Variants in EVI5 observed in about 807,000 individuals in gnomAD.
EVI5 encodes the protein ecotropic viral integration site 5 protein homolog.
A neutral mutation model predicts 112.0 loss-of-function variants in EVI5; 73 were observed. The observed-to-expected ratio is 0.65, with a 90% CI of 0.54 to 0.79. The LOEUF (loss-of-function observed/expected upper bound fraction) is 0.79, where lower values mean the gene tolerates loss of function less well. Among genes scored for constraint, EVI5 ranks in the 30% least tolerant of loss-of-function variants. EVI5 has a pLI of 0.00. For synonymous variants in EVI5, 305 were observed against 319.9 expected, an observed-to-expected ratio of 0.95 and a Z score of 0.50; for missense variants, 900 against 968.8, an observed-to-expected ratio of 0.93 and a Z score of 0.94.
rs1470060556 is a variant in EVI5 at position 92,509,142 on chromosome 1, A to G, written c.*4514T>C. ...AAACAGTTTTACCAAAATATAATTC[A>G]TATACTTATTTTACTTTAAACCTGA... is the stretch of plus-strand genomic sequence containing the variant. On this transcript the variant is annotated 3_prime_UTR_variant, in exon 20 of 20. Transcript: ENST00000684568. 1 of 152,578 alleles carries G rather than the reference A, an allele frequency of 6.6e-6. No individual in the cohort carries two copies. The highest frequency in any genetic ancestry group is 1.5e-5 in the Non-Finnish European group (1 of 68,038). The allele number at this position is 152,578 out of a possible 1,614,324, so 9.5% of individuals were successfully genotyped here.
chr1:92,760,723 A>G lies in EVI5; in HGVS notation c.-81-24096T>C, dbSNP rs149711603. ...CACTCCAGCCTGGGCGAAGACTGAGACTCTGTCTCAAAAAAAAAAAAAAAA... is the reference window on the plus strand; with the variant it reads ...CACTCCAGCCTGGGCGAAGACTGAGGCTCTGTCTCAAAAAAAAAAAAAAAA... On this transcript the variant is annotated intron_variant, in intron 1 of 19. Coordinates refer to ENST00000684568, the MANE Select transcript of EVI5 (RefSeq NM_001350197.2). Among the ~76,000 whole-genome samples the G allele has an allele frequency of 5.0e-3, 625 of 124,316 alleles. 3 individuals are homozygous for G. Among genetic ancestry groups the G allele is most frequent in the African/African-American group, 0.019 (601 of 31,884 alleles). The allele number at this position is 124,316 out of a possible 152,430, so 81.6% of individuals were successfully genotyped here.
chr1:92,563,194 G>T (rs1328403306), intron 19 of EVI5, among the ~76,000 whole-genome samples: 1 of 152,074 alleles, frequency 6.6e-6, no homozygotes, highest in Non-Finnish European at 1.5e-5. Context: ...CTGATATTAG[G>T]CAAGTATCCT....
At chr1:92,665,251 A>G (rs1447974025) in intron 11 of EVI5, among the ~76,000 whole-genome samples, 1 of 152,146 alleles carries the variant, frequency 6.6e-6, no homozygotes, top group Non-Finnish European at 1.5e-5. Context: ...GAGTTTGTGA[A>G]TTCAGATGTC....
chr1:92,719,858 C>T (rs528436431), intron 2 of EVI5, among the ~76,000 whole-genome samples: 1 of 151,910 alleles, frequency 6.6e-6, no homozygotes, highest in East Asian at 1.9e-4. Flanking sequence ...AATCAATGTG[C>T]AAAAATCACA....
At chr1:92,705,697 T>C (rs1671853463) in intron 2 of EVI5, among the ~76,000 whole-genome samples, 1 of 152,214 alleles carries the variant, frequency 6.6e-6, no homozygotes, top group South Asian at 2.1e-4. Flanking sequence ...AAGTCTTTTA[T>C]TTATAAAAGG....
At chr1:92,557,117 A>G (rs1667787112) in intron 19 of EVI5, among the ~76,000 whole-genome samples, 1 of 152,192 alleles carries the variant, frequency 6.6e-6, no homozygotes, top group African/African-American at 2.4e-5. Context: ...CCCAACAAAA[A>G]AGACAGGATG....
intron 18 of EVI5, among the ~76,000 whole-genome samples, chr1:92,564,272 GA>G (rs1405458805): frequency 1.3e-5 from 2 of 152,062 alleles, no homozygotes; most frequent in Admixed American, 1.3e-4. Flanking sequence ...ATCTACTGAT[GA>G]AAAAATTACC....
At chr1:92,780,721 A>G (rs995475039) in intron 1 of EVI5, among the ~76,000 whole-genome samples, 7 of 152,076 alleles carry the variant, frequency 4.6e-5, no homozygotes, top group Non-Finnish European at 2.9e-5. Flanking sequence ...AAAAAAGTGA[A>G]TCTTGGCCCG....
intron 13 of EVI5, among the ~76,000 whole-genome samples, chr1:92,649,161 T>C (rs941618218): frequency 6.6e-6 from 1 of 152,198 alleles, no homozygotes; most frequent in Non-Finnish European, 1.5e-5. Context: ...TTTTTGGCCA[T>C]CTGCATATCT....
intron 1 of EVI5, among the ~76,000 whole-genome samples, chr1:92,772,659 T>C (rs1558238445): frequency 6.6e-6 from 1 of 151,308 alleles, no homozygotes. Flanking sequence ...TCCCAGCACT[T>C]TGGGAGGGCG....
chr1:92,660,356 T>C (rs997991074), intron 13 of EVI5, among the ~76,000 whole-genome samples: 2 of 151,984 alleles, frequency 1.3e-5, no homozygotes, highest in African/African-American at 4.8e-5. Context: ...CTCACTCATA[T>C]GTGGAATCTA....
At chr1:92,699,219 T>A (rs1247529458) in intron 5 of EVI5, among the ~76,000 whole-genome samples, 1 of 152,184 alleles carries the variant, frequency 6.6e-6, no homozygotes, top group East Asian at 1.9e-4. Flanking sequence ...CTATTAATTC[T>A]ATCAAGCCCC....
intron 9 of EVI5, among the ~76,000 whole-genome samples, chr1:92,678,341 G>T (rs529038259): frequency 6.6e-6 from 1 of 152,132 alleles, no homozygotes; most frequent in East Asian, 1.9e-4. Flanking sequence ...GACCAGCCTG[G>T]GCAACATGGT....
At chr1:92,703,308 G>A in intron 4 of EVI5, 87 bp downstream of exon 4, 2 of 772,268 alleles carry the variant, frequency 2.6e-6, no homozygotes, top group Admixed American at 2.9e-5. Flanking sequence ...TTATTGTGGT[G>A]GGAGGTCATG....
At chr1:92,777,489 A>G (rs960077739) in intron 1 of EVI5, among the ~76,000 whole-genome samples, 4 of 152,218 alleles carry the variant, frequency 2.6e-5, no homozygotes, top group African/African-American at 2.4e-5. Context: ...TCTTGAGATT[A>G]TAAGATCCTG....
intron 18 of EVI5, among the ~76,000 whole-genome samples, chr1:92,597,985 G>A (rs948147630): frequency 4.6e-5 from 7 of 152,192 alleles, no homozygotes; most frequent in African/African-American, 1.7e-4. Flanking sequence ...CTTGAGCCCA[G>A]TAGGTCAAGG....
intron 18 of EVI5, among the ~76,000 whole-genome samples, chr1:92,564,591 TG>T: frequency 1.3e-5 from 2 of 152,312 alleles, no homozygotes; most frequent in South Asian, 4.1e-4. Context: ...AGGTGAGCAC[TG>T]GGACTATTTT....
intron 16 of EVI5, among the ~76,000 whole-genome samples, chr1:92,609,368 T>C (rs1571867599): frequency 7.0e-6 from 1 of 142,838 alleles, no homozygotes; most frequent in Admixed American, 7.1e-5. Context: ...TTTCATTTCA[T>C]TTTTTTTTTG....
chr1:92,638,941 T>C (rs1454232428), intron 13 of EVI5, among the ~76,000 whole-genome samples: 2 of 152,150 alleles, frequency 1.3e-5, no homozygotes, highest in Non-Finnish European at 2.9e-5. Flanking sequence ...CATAATGTTC[T>C]TGTATTAAGA....
Sources: allele counts gnomAD v4.1 joint callset (sites outside exome capture counted in the v4.1 genomes callset), GRCh38; gene constraint gnomAD v4.1.1; transcripts MANE v1.5; gene names NCBI Gene and HGNC (gene_info 2026-07-23, HGNC 2026-07-21).